RABEP1: variants seen among roughly 807,000 people sequenced by gnomAD.
RABEP1 encodes rabaptin, RAB GTPase binding effector protein 1, also known as rab GTPase-binding effector protein 1.
In RABEP1, 51 loss-of-function variants were observed where a neutral mutation model predicts 123.4. The observed-to-expected ratio is 0.41, with a 90% CI of 0.33 to 0.52. RABEP1 has a LOEUF of 0.52. Ranked by LOEUF, RABEP1 falls within the 20% of genes least tolerant of loss-of-function variation. The probability of loss-of-function intolerance (pLI) is 0.16; values close to 1 mark genes in which losing one functional copy is unlikely to be tolerated. For missense variants in RABEP1, 888 were observed against 996.3 expected (o/e 0.89, Z 1.46); for synonymous variants, 347 against 355.2 (o/e 0.98, Z 0.26).
chr17:5,332,729 C>T (rs926625607), intron 3 of RABEP1, among the ~76,000 whole-genome samples: 6 of 151,766 alleles, frequency 4.0e-5, no homozygotes, highest in African/African-American at 1.5e-4. Context: ...CTGCCTCAGC[C>T]TCCCGAGTAG....
chr17:5,293,682 C>CCTATTAAACCTATTTGTTTAAT lies in RABEP1; in HGVS notation c.34+11162_34+11163insCTATTAAACCTATTTGTTTAAT. ...TCAGTTTCCCAAAGTTCTTTGATTACAGGTGTGAGCCACTGCATCTGGCCA... is the reference window on the plus strand; with the variant it reads ...TCAGTTTCCCAAAGTTCTTTGATTACCTATTAAACCTATTTGTTTAATAGGTGTGAGCCACTGCATCTGGCCA... On this transcript the variant is annotated intron_variant, in intron 1 of 17. Coordinates refer to ENST00000537505, the MANE Select transcript of RABEP1 (RefSeq NM_004703.6). 1.3e-5 allele frequency among the ~76,000 whole-genome samples: 2 copies of CCTATTAAACCTATTTGTTTAAT among 152,168 alleles called. 1 individual carries two copies. The highest frequency in any genetic ancestry group is 4.1e-4 in the South Asian group (2 of 4,830).
chr17:5,332,270 GTCA>G (rs1280245228), intron 3 of RABEP1, 118 bp downstream of exon 3: 5 of 922,172 alleles, frequency 5.4e-6, no homozygotes, highest in Non-Finnish European at 8.0e-6. Context: ...TTTATGTACT[GTCA>G]TCATCAAGAT....
intron 4 of RABEP1, among the ~76,000 whole-genome samples, chr17:5,337,534 A>T (rs1005788251): frequency 7.0e-6 from 1 of 142,038 alleles, no homozygotes; most frequent in African/African-American, 2.6e-5. Flanking sequence ...AAATAATAAT[A>T]AAAAAAAAAT....
chr17:5,341,876 A>G (rs1475445815), intron 5 of RABEP1, among the ~76,000 whole-genome samples: 3 of 152,256 alleles, frequency 2.0e-5, no homozygotes, highest in South Asian at 4.1e-4. Flanking sequence ...TGACCACTCA[A>G]TAACTTAGTA....
At chr17:5,351,856 G>A (rs998434672) in intron 7 of RABEP1, among the ~76,000 whole-genome samples, 2 of 151,954 alleles carry the variant, frequency 1.3e-5, no homozygotes, top group Non-Finnish European at 2.9e-5. Context: ...TTTTCATATC[G>A]ACGTTGTATT....
chr17:5,380,541 A>T, intron 16 of RABEP1, 79 bp downstream of exon 16: 1 of 1,200,776 alleles, frequency 8.3e-7, no homozygotes, highest in South Asian at 1.3e-5. Context: ...TGAAAAAAAA[A>T]TATTGGTGCT....
At chr17:5,343,233 C>T (rs558346472) in intron 5 of RABEP1, among the ~76,000 whole-genome samples, 13 of 152,174 alleles carry the variant, frequency 8.5e-5, no homozygotes, top group East Asian at 7.7e-4. Flanking sequence ...GCCTAGGCGA[C>T]GAGTGAAACT....
At chr17:5,353,238 C>T (rs1468585851) in intron 7 of RABEP1, among the ~76,000 whole-genome samples, 1 of 152,212 alleles carries the variant, frequency 6.6e-6, no homozygotes, top group African/African-American at 2.4e-5. Flanking sequence ...CTCCCTGGAA[C>T]CCTTAATTGT....
intron 1 of RABEP1, among the ~76,000 whole-genome samples, chr17:5,283,114 G>A (rs1004601512): frequency 6.6e-6 from 1 of 152,004 alleles, no homozygotes; most frequent in African/African-American, 2.4e-5. Context: ...TCTTAGCCTC[G>A]TTGAGCCTCA....
intron 4 of RABEP1, chr17:5,336,756 T>C (rs2144612802): frequency 5.0e-6 from 1 of 198,594 alleles, no homozygotes; most frequent in Non-Finnish European, 1.0e-5. Flanking sequence ...ATAAGCATCC[T>C]AAACTAGCCT....
At chr17:5,282,818 A>G (rs1391152804) in intron 1 of RABEP1, among the ~76,000 whole-genome samples, 14 of 150,998 alleles carry the variant, frequency 9.3e-5, no homozygotes, top group African/African-American at 2.9e-4. Context: ...GGTTCTGGGT[A>G]GCGGGGGACC....
intron 1 of RABEP1, among the ~76,000 whole-genome samples, chr17:5,300,495 A>C (rs914923414): frequency 6.6e-6 from 1 of 152,140 alleles, no homozygotes; most frequent in Non-Finnish European, 1.5e-5. Context: ...AGTATTGGTC[A>C]AGTTTCTCTC....
In RABEP1 at chr17:5,377,096, C is replaced by A; in HGVS notation, c.2026-20C>A. 2 of 1,576,338 alleles carry A rather than the reference C, an allele frequency of 1.3e-6. No individual in the cohort carries two copies. Among genetic ancestry groups the A allele is most frequent in the South Asian group, 2.4e-5 (2 of 83,360 alleles). On this transcript the variant is annotated intron_variant, in intron 13 of 17. Coordinates refer to ENST00000537505, the MANE Select transcript of RABEP1 (RefSeq NM_004703.6). The stretch of plus-strand genomic sequence containing the variant: ...CTTTCACTCTCACAAACCCAATAAT[C>A]ATTTGTTTCTTGAATCCAGGCACTG...
At chr17:5,351,481 A>C (rs932762401) in intron 7 of RABEP1, among the ~76,000 whole-genome samples, 1 of 152,114 alleles carries the variant, frequency 6.6e-6, no homozygotes, top group East Asian at 1.9e-4. Flanking sequence ...TTCCTCTTAC[A>C]CAACTATAGT....
intron 2 of RABEP1, among the ~76,000 whole-genome samples, chr17:5,328,686 C>T (rs1906211488): frequency 7.3e-6 from 1 of 136,798 alleles, no homozygotes; most frequent in Non-Finnish European, 1.5e-5. Flanking sequence ...GGCGCAGTGG[C>T]TCACGCCTGT....
intron 4 of RABEP1, among the ~76,000 whole-genome samples, chr17:5,337,130 C>G (rs1446836296): frequency 1.3e-5 from 2 of 152,120 alleles, no homozygotes; most frequent in African/African-American, 4.8e-5. Context: ...TCCTTTTAAT[C>G]CATGTTTTTG....
At chr17:5,312,413 A>G (rs924559412) in intron 2 of RABEP1, among the ~76,000 whole-genome samples, 6 of 152,046 alleles carry the variant, frequency 3.9e-5, no homozygotes, top group Non-Finnish European at 8.8e-5. Flanking sequence ...AGCCTCCCAA[A>G]CTGCTGGGAT....
At chr17:5,358,734 T>C (rs1909241596) in intron 8 of RABEP1, among the ~76,000 whole-genome samples, 1 of 151,936 alleles carries the variant, frequency 6.6e-6, no homozygotes, top group South Asian at 2.1e-4. Context: ...TTATTGCCAA[T>C]GTAGTAGTCT....
chr17:5,386,272 G>A lies in RABEP1; in HGVS notation c.*3049G>A, dbSNP rs1413867691. 2 of 1,600,088 alleles carry A rather than the reference G, an allele frequency of 1.2e-6. No individual in the cohort carries two copies. Among genetic ancestry groups the A allele is most frequent in the Non-Finnish European group, 8.5e-7 (1 of 1,172,476 alleles). On this transcript the variant is annotated 3_prime_UTR_variant, in exon 18 of 18. Coordinates refer to ENST00000537505, the MANE Select transcript of RABEP1 (RefSeq NM_004703.6). ...CCATTTCCCTTATATGTTCACCCCTGTAAAATTGTAAAGTCACTCACTTTT... is the reference window on the plus strand; with the variant it reads ...CCATTTCCCTTATATGTTCACCCCTATAAAATTGTAAAGTCACTCACTTTT...
Sources: gnomAD v4.1 joint callset for allele counts (sites outside exome capture counted in the v4.1 genomes callset) on GRCh38, gnomAD v4.1.1 for gene constraint, MANE v1.5 for transcripts, NCBI Gene and HGNC (gene_info 2026-07-23, HGNC 2026-07-21) for gene names.